The following EYS variants were observed in gnomAD, a reference collection of about 807,000 sequenced individuals.
The protein encoded by EYS is protein eyes shut homolog.
A neutral mutation model predicts 282.1 loss-of-function variants in EYS; 250 were observed. The ratio of observed to expected loss-of-function variants is 0.89; its 90% CI spans 0.80 to 0.98. EYS has a LOEUF of 0.98. EYS is among the 50% of genes least tolerant of loss of function. The pLI, the probability that EYS is intolerant of heterozygous loss-of-function variation, is 0.00. For synonymous variants in EYS, 1,355 were observed against 1,282.9 expected (o/e 1.06, Z -1.20); for missense variants, 4,016 against 3,709.0 (o/e 1.08, Z -2.15).
chr6:63,962,177 A>G (rs1766097506), intron 35 of EYS, among the ~76,000 whole-genome samples: 1 of 152,188 alleles, frequency 6.6e-6, no homozygotes, highest in Admixed American at 6.5e-5. Flanking sequence ...CCTAGGCAAT[A>G]CCACTCAGGA....
rs35395170 is a variant in EYS at position 64,307,084 on chromosome 6, T to TGA, written c.6079-4_6079-3dup. Reference sequence around the variant, plus strand: ...AAAATTCTTGACTGGTACAGGCATCTGAGAGAGAGAGAGAGAGAGAGAAGT... The same window carrying TGA: ...AAAATTCTTGACTGGTACAGGCATCTGAGAGAGAGAGAGAGAGAGAGAGAAGT... On this transcript the variant is annotated splice_region_variant and splice_polypyrimidine_tract_variant and intron_variant, in intron 29 of 42. Transcript: ENST00000503581. The TGA allele has an allele frequency of 4.4e-4, 387 of 881,000 alleles. No homozygotes were observed. The highest frequency in any genetic ancestry group is 1.9e-3 in the African/African-American group (111 of 58,818). 54.6% of individuals were successfully genotyped at this position (881,000 alleles called of 1,614,324 possible). A position where few individuals can be genotyped will look rare whatever the true frequency, so the allele number is the denominator to read the frequency against.
At chr6:65,653,606 T>C (rs1288205866) in intron 1 of EYS, among the ~76,000 whole-genome samples, 1 of 151,914 alleles carries the variant, frequency 6.6e-6, no homozygotes, top group Non-Finnish European at 1.5e-5. Flanking sequence ...TAATTCTGAC[T>C]CATGTAAGTC....
intron 26 of EYS, among the ~76,000 whole-genome samples, chr6:64,501,415 A>G (rs2150512203): frequency 6.6e-6 from 1 of 152,226 alleles, no homozygotes; most frequent in Admixed American, 6.5e-5. Context: ...ATGCAGTTCC[A>G]TATTTTATAC....
intron 1 of EYS, among the ~76,000 whole-genome samples, chr6:65,641,298 C>T (rs1008945725): frequency 6.6e-6 from 1 of 152,220 alleles, no homozygotes; most frequent in African/African-American, 2.4e-5. Context: ...TTGTAATATT[C>T]ACCTGCTAGC....
chr6:63,909,646 T>C (rs994898699), intron 35 of EYS, among the ~76,000 whole-genome samples: 3 of 152,218 alleles, frequency 2.0e-5, no homozygotes, highest in East Asian at 3.8e-4. Context: ...AGATACTTTT[T>C]CCCCACATCC....
chr6:63,870,726 A>G (rs916822229), intron 35 of EYS, among the ~76,000 whole-genome samples: 1 of 152,096 alleles, frequency 6.6e-6, no homozygotes, highest in Non-Finnish European at 1.5e-5. Flanking sequence ...ATTGTCCCAA[A>G]TCTCTTTATA....
chr6:63,856,105 A>C (rs1772383834), intron 36 of EYS, among the ~76,000 whole-genome samples: 1 of 149,504 alleles, frequency 6.7e-6, no homozygotes, highest in Non-Finnish European at 1.5e-5. Flanking sequence ...CATAGCTCTT[A>C]AACCAACCAA....
chr6:65,004,037 A>AT (rs201444138), intron 13 of EYS, among the ~76,000 whole-genome samples: 8 of 146,276 alleles, frequency 5.5e-5, no homozygotes, highest in South Asian at 2.2e-4. Context: ...ATAAATTTAT[A>AT]TTTTTTTAGG....
intron 11 of EYS, among the ~76,000 whole-genome samples, chr6:65,309,643 C>T (rs1181406214): frequency 1.4e-4 from 22 of 152,074 alleles, no homozygotes; most frequent in African/African-American, 2.2e-4. Context: ...GAACTGAATT[C>T]GAATCTTCGC....
chr6:65,013,846 C>G (rs74653028), intron 13 of EYS, among the ~76,000 whole-genome samples: 7,442 of 152,170 alleles, frequency 0.049, 595 homozygotes, highest in African/African-American at 0.17. Flanking sequence ...GCCTGGGAAA[C>G]AGTGAGACTC....
chr6:64,466,521 T>C (rs1034887690), intron 26 of EYS, among the ~76,000 whole-genome samples: 1 of 152,118 alleles, frequency 6.6e-6, no homozygotes, highest in Non-Finnish European at 1.5e-5. Context: ...TACGACATGA[T>C]CTTACTTACA....
At chr6:64,525,605 C>G (rs1481830413) in intron 26 of EYS, among the ~76,000 whole-genome samples, 1 of 151,558 alleles carries the variant, frequency 6.6e-6, no homozygotes. Context: ...AAATAATCTG[C>G]ATAGCAATCC....
intron 2 of EYS, among the ~76,000 whole-genome samples, chr6:65,506,591 C>G (rs1467228743): frequency 6.8e-6 from 1 of 147,958 alleles, no homozygotes; most frequent in Non-Finnish European, 1.5e-5. Context: ...CAATCCTCTA[C>G]CTCAGCCTCC....
At chr6:64,515,682 A>C (rs1027097741) in intron 26 of EYS, among the ~76,000 whole-genome samples, 2 of 151,662 alleles carry the variant, frequency 1.3e-5, no homozygotes, top group African/African-American at 4.8e-5. Flanking sequence ...TGTTTGTGAC[A>C]AAATCTTTAG....
chr6:64,823,746 A>G (rs1764968002), intron 19 of EYS, among the ~76,000 whole-genome samples: 1 of 151,982 alleles, frequency 6.6e-6, no homozygotes, highest in African/African-American at 2.4e-5. Flanking sequence ...CACACAGGCC[A>G]TAACAGCAAA....
intron 12 of EYS, among the ~76,000 whole-genome samples, chr6:65,131,932 A>G (rs752762108): frequency 2.0e-5 from 3 of 152,046 alleles, no homozygotes; most frequent in Non-Finnish European, 4.4e-5. Flanking sequence ...AGAAACTACC[A>G]TGAACACCTC....
At chr6:63,846,062 A>G (rs1017777736) in intron 36 of EYS, among the ~76,000 whole-genome samples, 1 of 152,212 alleles carries the variant, frequency 6.6e-6, no homozygotes, top group Non-Finnish European at 1.5e-5. Context: ...GCAACATTGT[A>G]AAGGGATTTT....
At chr6:63,850,761 A>G (rs1314688380) in intron 36 of EYS, among the ~76,000 whole-genome samples, 1 of 152,180 alleles carries the variant, frequency 6.6e-6, no homozygotes, top group East Asian at 1.9e-4. Context: ...GAAGAAACTG[A>G]CCAAACAATG....
intron 28 of EYS, among the ~76,000 whole-genome samples, chr6:64,419,956 A>G (rs1378764726): frequency 6.6e-6 from 1 of 152,022 alleles, no homozygotes; most frequent in Non-Finnish European, 1.5e-5. Flanking sequence ...GGGGTCTTTG[A>G]CCCCACATTT....
Sources: gnomAD v4.1 joint callset for allele counts (sites outside exome capture counted in the v4.1 genomes callset) on GRCh38, gnomAD v4.1.1 for gene constraint, MANE v1.5 for transcripts, NCBI Gene and HGNC (gene_info 2026-07-23, HGNC 2026-07-21) for gene names.